Variants in ASPH observed in about 807,000 individuals in gnomAD.
ASPH encodes the protein aspartyl/asparaginyl beta-hydroxylase.
Under a neutral mutation model 118.4 loss-of-function variants are expected in ASPH, and 100 were observed. That is an observed-to-expected ratio of 0.84 (90% confidence interval 0.72 to 1.00). ASPH has a LOEUF of 1.00. Ranked by LOEUF, ASPH falls within the 50% of genes least tolerant of loss-of-function variation. The pLI, the probability that ASPH is intolerant of heterozygous loss-of-function variation, is 0.00. For missense variants in ASPH, 920 were observed against 919.5 expected (o/e 1.00, Z -0.01); for synonymous variants, 315 against 325.6 (o/e 0.97, Z 0.35).
At chr8:61,568,751 T>C (rs560934034) in intron 16 of ASPH, among the ~76,000 whole-genome samples, 1 of 152,122 alleles carries the variant, frequency 6.6e-6, no homozygotes, top group East Asian at 1.9e-4. Flanking sequence ...TAAAGGTCAT[T>C]AGAGATCAGG....
chr8:61,677,385 G>T (rs536821776), intron 3 of ASPH, among the ~76,000 whole-genome samples: 1 of 152,216 alleles, frequency 6.6e-6, no homozygotes, highest in South Asian at 2.1e-4. Context: ...CTGACTGTAA[G>T]AAATGTGAAC....
intron 1 of ASPH, among the ~76,000 whole-genome samples, chr8:61,688,032 G>A (rs997263505): frequency 6.6e-6 from 1 of 152,108 alleles, no homozygotes; most frequent in African/African-American, 2.4e-5. Context: ...TAAATATGCT[G>A]TGCCTAGTCC....
chr8:61,670,222 A>G (rs772696273), intron 3 of ASPH, among the ~76,000 whole-genome samples: 1 of 152,050 alleles, frequency 6.6e-6, no homozygotes, highest in Admixed American at 6.6e-5. Context: ...AAAAGAGAGT[A>G]AAGAAAAAAA....
At chr8:61,594,619 A>C (rs1342495446) in intron 14 of ASPH, among the ~76,000 whole-genome samples, 3 of 152,218 alleles carry the variant, frequency 2.0e-5, no homozygotes, top group Non-Finnish European at 2.9e-5. Context: ...CAATACAATA[A>C]GGTATTTTGA....
intron 15 of ASPH, among the ~76,000 whole-genome samples, chr8:61,580,429 AT>A (rs1837140938): frequency 6.6e-6 from 1 of 152,208 alleles, no homozygotes; most frequent in Admixed American, 6.5e-5. Context: ...CCAAACCTCA[AT>A]TCCTGACTTC....
chr8:61,534,685 C>T (rs1818831944), intron 21 of ASPH, among the ~76,000 whole-genome samples: 1 of 152,136 alleles, frequency 6.6e-6, no homozygotes, highest in Non-Finnish European at 1.5e-5. Flanking sequence ...TAATTTTGTT[C>T]TAATCAATCA....
At chr8:61,649,808 A>C (rs1809977664) in intron 5 of ASPH, among the ~76,000 whole-genome samples, 1 of 152,104 alleles carries the variant, frequency 6.6e-6, no homozygotes, top group Non-Finnish European at 1.5e-5. Flanking sequence ...TGCATTTTTC[A>C]TGCTACAGAC....
chr8:61,604,775 G>A (rs897230442), intron 14 of ASPH, among the ~76,000 whole-genome samples: 7 of 152,142 alleles, frequency 4.6e-5, no homozygotes, highest in African/African-American at 1.2e-4. Context: ...ACATTTTAGC[G>A]GATCCTATCT....
intron 14 of ASPH, among the ~76,000 whole-genome samples, chr8:61,607,854 T>C (rs1354636876): frequency 6.6e-6 from 1 of 152,224 alleles, no homozygotes; most frequent in Non-Finnish European, 1.5e-5. Flanking sequence ...TGTCCCCACA[T>C]ACATGATGAG....
At chr8:61,512,373 G>A (rs761859932) in intron 24 of ASPH, among the ~76,000 whole-genome samples, 17 of 152,188 alleles carry the variant, frequency 1.1e-4, no homozygotes, top group Non-Finnish European at 2.2e-4. Context: ...GAAAAGAGGA[G>A]AAGACTCAGG....
chr8:61,602,625 C>T (rs913874974), intron 14 of ASPH, among the ~76,000 whole-genome samples: 2 of 151,136 alleles, frequency 1.3e-5, no homozygotes, highest in African/African-American at 2.5e-5. Flanking sequence ...TAAACTAATG[C>T]GTAGGGACCT....
intron 1 of ASPH, among the ~76,000 whole-genome samples, chr8:61,704,790 C>G (rs958141497): frequency 6.6e-6 from 1 of 152,116 alleles, no homozygotes; most frequent in Non-Finnish European, 1.5e-5. Context: ...GCATACCCAC[C>G]AGAATGGCTA....
intron 20 of ASPH, among the ~76,000 whole-genome samples, chr8:61,548,548 A>C (rs1176545281): frequency 2.6e-5 from 4 of 152,216 alleles, no homozygotes; most frequent in Non-Finnish European, 4.4e-5. Flanking sequence ...AAGACACCAA[A>C]GGGCCTTTTC....
intron 3 of ASPH, among the ~76,000 whole-genome samples, chr8:61,677,923 T>C (rs972668704): frequency 5.9e-5 from 9 of 152,174 alleles, no homozygotes; most frequent in Admixed American, 5.9e-4. Flanking sequence ...CAAAACTGTT[T>C]ACCCAGCCAA....
At chr8:61,515,642 T>C (rs1810625916) in intron 24 of ASPH, among the ~76,000 whole-genome samples, 1 of 152,248 alleles carries the variant, frequency 6.6e-6, no homozygotes, top group Admixed American at 6.5e-5. Flanking sequence ...TGGATGGTTC[T>C]ACAAGTGTGT....
chr8:61,571,117 A>G (rs960124596), intron 16 of ASPH, among the ~76,000 whole-genome samples: 4 of 152,278 alleles, frequency 2.6e-5, no homozygotes, highest in South Asian at 2.1e-4. Flanking sequence ...CTTCTGTTGA[A>G]TTTTTATTTT....
At chr8:61,509,071 G>A (rs761904794) in intron 24 of ASPH, among the ~76,000 whole-genome samples, 1 of 152,024 alleles carries the variant, frequency 6.6e-6, no homozygotes, top group Non-Finnish European at 1.5e-5. Flanking sequence ...CTTAGTTCCA[G>A]GTCACCAGTA....
At chr8:61,525,425 A>G (rs561110355) in intron 22 of ASPH, among the ~76,000 whole-genome samples, 4 of 152,056 alleles carry the variant, frequency 2.6e-5, no homozygotes, top group Admixed American at 2.0e-4. Flanking sequence ...AGCTAAAAAA[A>G]TATGAAGTTC....
chr8:61,539,114 G>A (rs1383253504), intron 21 of ASPH, among the ~76,000 whole-genome samples: 1 of 152,146 alleles, frequency 6.6e-6, no homozygotes, highest in South Asian at 2.1e-4. Flanking sequence ...GGTGGCAGGC[G>A]CCTGTAATCC....
Sources: gnomAD v4.1 joint callset for allele counts (sites outside exome capture counted in the v4.1 genomes callset) on GRCh38, gnomAD v4.1.1 for gene constraint, MANE v1.5 for transcripts, NCBI Gene and HGNC (gene_info 2026-07-23, HGNC 2026-07-21) for gene names.